VXN: variants seen among roughly 807,000 people sequenced by gnomAD.
The protein encoded by VXN is uncharacterized protein C8orf46.
VXN carries 7 observed loss-of-function variants against 23.1 expected under a neutral mutation model. The observed-to-expected ratio is 0.30, with a 90% CI of 0.17 to 0.57. The LOEUF (loss-of-function observed/expected upper bound fraction) is 0.57. VXN is among the 20% of genes least tolerant of loss of function. The pLI is 0.91. For synonymous variants in VXN, 120 were observed against 105.8 expected, an observed-to-expected ratio of 1.13 and a Z score of -0.83; for missense variants, 238 against 272.6, an observed-to-expected ratio of 0.87 and a Z score of 0.89.
At chr8:66,510,427 A>C (rs1807808628) in intron 4 of VXN, 1 of 367,756 alleles carries the variant, frequency 2.7e-6, no homozygotes, top group African/African-American at 2.2e-5. Context: ...TAGACATCTT[A>C]TACATGGTGA....
chr8:66,498,989 T>A (rs1447877295), intron 2 of VXN: 1 of 210,606 alleles, frequency 4.7e-6, no homozygotes, highest in African/African-American at 2.3e-5. Flanking sequence ...TATGTGACCT[T>A]GAGCAAGTTG....
intron 4 of VXN, among the ~76,000 whole-genome samples, chr8:66,510,892 T>C (rs572576334): frequency 2.6e-5 from 4 of 152,254 alleles, no homozygotes; most frequent in East Asian, 3.9e-4. Context: ...CCCAATACCA[T>C]ACATCCAGGA....
chr8:66,510,233 G>A, intron 4 of VXN, 76 bp downstream of exon 4: 2 of 1,190,740 alleles, frequency 1.7e-6, no homozygotes, highest in Non-Finnish European at 2.4e-6. Flanking sequence ...CCTGTGCCAT[G>A]AAGAGAGACT....
In VXN at chr8:66,505,740, A is replaced by C. The variant is rs1807747360; in HGVS notation, c.280+212A>C. 2.0e-5 allele frequency among the ~76,000 whole-genome samples: 3 copies of C among 152,212 alleles called. No individual in the cohort carries two copies. In the South Asian group the frequency reaches 6.2e-4, roughly 32 times the overall value. On this transcript the variant is annotated intron_variant, in intron 3 of 5. Coordinates refer to ENST00000305454, the MANE Select transcript of VXN (RefSeq NM_152765.4). Reference sequence around the variant, plus strand: ...ACCTTAGCCTCACACAGCATCTTCTACCTATAAAACAGTCACTCCTAGGTT... The same window carrying C: ...ACCTTAGCCTCACACAGCATCTTCTCCCTATAAAACAGTCACTCCTAGGTT...
At chr8:66,505,120 A>G (rs1193567782) in intron 2 of VXN, 5 of 602,408 alleles carry the variant, frequency 8.3e-6, no homozygotes, top group Non-Finnish European at 1.5e-5. Flanking sequence ...CTGTTGAGGA[A>G]CACCCCTGCC....
chr8:66,496,096 G>C (rs1196869762), intron 1 of VXN, among the ~76,000 whole-genome samples: 1 of 152,154 alleles, frequency 6.6e-6, no homozygotes, highest in Non-Finnish European at 1.5e-5. Flanking sequence ...TTAGTACCAT[G>C]TTTTCAAGGT....
At chr8:66,510,993 T>G (rs564207706) in intron 4 of VXN, among the ~76,000 whole-genome samples, 1 of 152,244 alleles carries the variant, frequency 6.6e-6, no homozygotes, top group Admixed American at 6.5e-5. Context: ...AGCTTTTATG[T>G]TCCCTTCTCA....
intron 1 of VXN, 92 bp from the exon 2 acceptor site, chr8:66,496,345 C>G: frequency 8.1e-7 from 1 of 1,236,984 alleles, no homozygotes; most frequent in Non-Finnish European, 1.2e-6. Context: ...CCCTGCCTCG[C>G]CACAGATTCA....
At chr8:66,501,272 A>T (rs1333328751) in intron 2 of VXN, 1 of 152,170 alleles carries the variant, frequency 6.6e-6, no homozygotes, top group Non-Finnish European at 1.5e-5. Context: ...TCTTCTCTGT[A>T]TCATTTCAAT....
chr8:66,496,321 C>T, intron 1 of VXN, 116 bp from the exon 2 acceptor site: 1 of 901,492 alleles, frequency 1.1e-6, no homozygotes, highest in Non-Finnish European at 1.8e-6. Flanking sequence ...TTTTTCCCGT[C>T]CCCTCCTCTA....
Position 66,510,123 on chromosome 8 carries a change from A to G in VXN, c.308A>G (p.Asn103Ser), listed in dbSNP as rs978529096. ...GGGATTTCTGAACCCAAAACATCAAATCTGTGTGGGAATCGAGCATATGGA... is the reference window on the plus strand; with the variant it reads ...GGGATTTCTGAACCCAAAACATCAAGTCTGTGTGGGAATCGAGCATATGGA... ...PVGISEPKTS[N>S]LCGNRAYGKS... The change falls in exon 4 of 6, where the codon AAT (asparagine) becomes AGT (serine). Residue 103 changes from asparagine (N) to serine (S), a missense_variant. Physicochemically the swap from Asn to Ser is conservative, Grantham distance 46 (BLOSUM62 1). Around this residue, in one of 2 missense-constraint regions of VXN, gnomAD observed 223 missense variants for 236.9 expected, o/e 0.94. Coordinates refer to ENST00000305454, the MANE Select transcript of VXN (RefSeq NM_152765.4). 6.2e-6 allele frequency: 10 copies of G among 1,613,900 alleles called. No homozygotes were observed. Among genetic ancestry groups the G allele is most frequent in the Non-Finnish European group, 8.5e-6 (10 of 1,179,930 alleles).
In VXN at chr8:66,516,640, ATTC is replaced by A. The variant is rs1227808225; in HGVS notation, c.*567_*569del. ...TTTGGCATGATTGCATGAATTCTCTATTCTTTTATGTGCAGTTTTTCTATAGAA... is the reference window on the plus strand; with the variant it reads ...TTTGGCATGATTGCATGAATTCTCTATTTTATGTGCAGTTTTTCTATAGAA... On this transcript the variant is annotated 3_prime_UTR_variant, in exon 6 of 6. Coordinates refer to ENST00000305454, the MANE Select transcript of VXN (RefSeq NM_152765.4). 8 of 152,228 alleles carry A rather than the reference ATTC, an allele frequency of 5.3e-5. No individual in the cohort carries two copies. Among genetic ancestry groups the A allele is most frequent in the Non-Finnish European group, 1.0e-4 (7 of 68,036 alleles). 9.4% of individuals were successfully genotyped at this position (152,228 alleles called of 1,614,324 possible).
intron 4 of VXN, among the ~76,000 whole-genome samples, chr8:66,512,733 G>T (rs1015241262): frequency 1.3e-5 from 2 of 152,142 alleles, no homozygotes; most frequent in Admixed American, 1.3e-4. Flanking sequence ...CTCAGGGAAG[G>T]CTTCCTAGAG....
intron 4 of VXN, 54 bp downstream of exon 4, chr8:66,510,211 A>T (rs1807806452): frequency 1.4e-6 from 2 of 1,403,368 alleles, no homozygotes; most frequent in African/African-American, 2.8e-5. Context: ...ACTTCTGGTC[A>T]TGTCTGATTC....
intron 1 of VXN, among the ~76,000 whole-genome samples, chr8:66,495,844 ACCC>A (rs1378357256): frequency 6.6e-6 from 1 of 152,114 alleles, no homozygotes; most frequent in African/African-American, 2.4e-5. Context: ...TGCAACCATC[ACCC>A]CCATCCATCC....
chr8:66,514,050 C>G, intron 5 of VXN: 1 of 172,872 alleles, frequency 5.8e-6, no homozygotes, highest in Non-Finnish European at 1.2e-5. Context: ...GGTTTCAAAC[C>G]ACACTTGAAA....
Position 66,493,713 on chromosome 8 carries a change from C to T in VXN, c.65C>T (p.Ser22Phe), listed in dbSNP as rs1346175241. 1 of 1,612,686 alleles carries T rather than the reference C, an allele frequency of 6.2e-7. No individual in the cohort carries two copies. The highest frequency in any genetic ancestry group is 8.5e-7 in the Non-Finnish European group (1 of 1,179,488). The stretch of plus-strand genomic sequence containing the variant: ...GAAGTTTTCACCACCGTGATTCCTT[C>T]CAAGGGTGAGTGAAATTGCCCTTGA... The part of the protein sequence containing the change: ...NIEVFTTVIP[S>F]KVSSPARRRA... Residue 22 changes from serine to phenylalanine, a missense_variant, in exon 1 of 6, where the codon TCC becomes TTC. Coordinates refer to ENST00000305454, the MANE Select transcript of VXN (RefSeq NM_152765.4).
intron 1 of VXN, among the ~76,000 whole-genome samples, chr8:66,493,948 G>T (rs760295820): frequency 2.0e-5 from 3 of 152,112 alleles, no homozygotes; most frequent in Non-Finnish European, 4.4e-5. Flanking sequence ...AATACTCCCT[G>T]TCTCATTTAA....
intron 3 of VXN, among the ~76,000 whole-genome samples, chr8:66,507,563 T>C (rs1807773427): frequency 6.6e-6 from 1 of 152,216 alleles, no homozygotes; most frequent in East Asian, 1.9e-4. Flanking sequence ...AGGATCACTT[T>C]CATTCCTTTC....
Sources: allele counts gnomAD v4.1 joint callset (sites outside exome capture counted in the v4.1 genomes callset), GRCh38; gene constraint gnomAD v4.1.1; regional missense constraint gnomAD v4.1.1; transcripts MANE v1.5; gene names NCBI Gene and HGNC (gene_info 2026-07-23, HGNC 2026-07-21).